NOL4L: variants seen among roughly 807,000 people sequenced by gnomAD.
NOL4L encodes the protein nucleolar protein 4 like.
In NOL4L, 7 loss-of-function variants were observed where a neutral mutation model predicts 64.5. The observed-to-expected ratio is 0.11, with a 90% CI of 0.06 to 0.20. NOL4L has a LOEUF of 0.20. Among genes scored for constraint, NOL4L ranks in the 10% least tolerant of loss-of-function variants. The pLI is 1.00. For missense variants in NOL4L, 680 were observed against 967.1 expected, an observed-to-expected ratio of 0.70 and a Z score of 3.94; for synonymous variants, 413 against 401.0, an observed-to-expected ratio of 1.03 and a Z score of -0.36.
rs1484022352 is a variant in NOL4L at position 32,456,404 on chromosome 20, A to G, written c.842-9T>C. Reference sequence around the variant, plus strand: ...CTCAGAGGAGGAGTCATCTGGAATGAGAGGCCTGGGTGTGAGGCCCCACCC... The same window carrying G: ...CTCAGAGGAGGAGTCATCTGGAATGGGAGGCCTGGGTGTGAGGCCCCACCC... On this transcript the variant is annotated splice_polypyrimidine_tract_variant and intron_variant, in intron 5 of 10. Coordinates refer to ENST00000621426, the MANE Select transcript of NOL4L (RefSeq NM_001256798.2). The G allele has an allele frequency of 6.9e-7, 1 of 1,457,568 alleles. No homozygotes were observed. 90.3% of individuals were successfully genotyped at this position (1,457,568 alleles called of 1,614,324 possible).
At chr20:32,489,670 C>T (rs576301352) in intron 4 of NOL4L, among the ~76,000 whole-genome samples, 21 of 151,906 alleles carry the variant, frequency 1.4e-4, no homozygotes, top group East Asian at 1.9e-4. Context: ...CTGGGCCGGG[C>T]GCAGTGGCTC....
intron 2 of NOL4L, 27 bp from the exon 3 acceptor site, chr20:32,520,949 T>C: frequency 6.7e-7 from 1 of 1,498,682 alleles, no homozygotes; most frequent in South Asian, 1.2e-5. Flanking sequence ...CTTCGCTTGT[T>C]ATATGGATCT....
intron 1 of NOL4L, among the ~76,000 whole-genome samples, chr20:32,546,453 A>T (rs1285933774): frequency 2.7e-5 from 4 of 150,902 alleles, no homozygotes; most frequent in Non-Finnish European, 4.4e-5. Flanking sequence ...TTATTTATTT[A>T]TTTTTTGAGA....
intron 4 of NOL4L, among the ~76,000 whole-genome samples, chr20:32,484,571 G>A (rs2015966886): frequency 6.6e-6 from 1 of 150,722 alleles, no homozygotes; most frequent in Admixed American, 6.6e-5. Context: ...CCCAGCGCCC[G>A]CCGCCCGCGT....
intron 3 of NOL4L, among the ~76,000 whole-genome samples, chr20:32,516,340 G>A (rs1020946682): frequency 4.6e-5 from 7 of 152,176 alleles, no homozygotes; most frequent in East Asian, 1.9e-4. Flanking sequence ...GCAAGTCTTC[G>A]AGGAGTGCTG....
At chr20:32,564,022 C>T (rs768937976) in intron 1 of NOL4L, among the ~76,000 whole-genome samples, 8 of 152,212 alleles carry the variant, frequency 5.3e-5, no homozygotes, top group South Asian at 4.1e-4. Context: ...CTAATTTGCA[C>T]GAGAGGAGAC....
chr20:32,498,752 A>G (rs2016795392), intron 4 of NOL4L, among the ~76,000 whole-genome samples: 1 of 136,166 alleles, frequency 7.3e-6, no homozygotes, highest in African/African-American at 2.9e-5. Flanking sequence ...AACGGGAGTG[A>G]GACCCTGTCT....
At chr20:32,504,339 T>G (rs180945502) in intron 4 of NOL4L, among the ~76,000 whole-genome samples, 2 of 152,062 alleles carry the variant, frequency 1.3e-5, no homozygotes, top group Non-Finnish European at 2.9e-5. Flanking sequence ...GGTGGGTAGA[T>G]CACGAGGTCA....
At chr20:32,554,639 CCCCAGGAAATCCTCCTTTTCTCCTTGCCT>C (rs1978538361) in intron 1 of NOL4L, among the ~76,000 whole-genome samples, 1 of 152,118 alleles carries the variant, frequency 6.6e-6, no homozygotes, top group African/African-American at 2.4e-5. Flanking sequence ...CTGGGAAACC[CCCCAGGAAATCCTCCTTTTCTCCTTGCCT>C]CCCAGGAGGC....
chr20:32,448,192 G>C (rs941958424), intron 10 of NOL4L, among the ~76,000 whole-genome samples: 1 of 152,194 alleles, frequency 6.6e-6, no homozygotes, highest in Non-Finnish European at 1.5e-5. Context: ...CTCTGCCAGT[G>C]TGCCTAAAGG....
Position 32,537,042 on chromosome 20 carries a change from G to T in NOL4L, c.322-9129C>A, listed in dbSNP as rs890164053. The T allele has an allele frequency of 3.1e-6, 3 of 979,654 alleles. No individual in the cohort carries two copies. In the African/African-American group the frequency reaches 5.4e-5, roughly 18 times the overall value. 60.7% of individuals were successfully genotyped at this position (979,654 alleles called of 1,614,324 possible). On this transcript the variant is annotated intron_variant, in intron 1 of 10. Transcript: ENST00000621426. ...CTTCCGGCCCCGCCAACCGGCTCCCGGCGCACCTGCCCTGCCCCGCCCCCC... is the reference window on the plus strand; with the variant it reads ...CTTCCGGCCCCGCCAACCGGCTCCCTGCGCACCTGCCCTGCCCCGCCCCCC...
At position 32,452,918 on chromosome 20, in the gene NOL4L, T is replaced by C. The variant is rs1337985908; in HGVS notation, c.1586A>G (p.Lys529Arg). ...CTGGTAGATCTCTAGACGCATCCGC[T>C]TGGCTGCCTTTCTTGTCTCGCTCTC... ...ACESETRKAA[K>R]RMRLEIYQSS... The change falls in exon 9 of 11, where the codon AAG becomes AGG. Residue 529 changes from lysine (K) to arginine (R), a missense_variant. Physicochemically the swap from Lys to Arg is conservative, Grantham distance 26. Coordinates refer to ENST00000621426, the MANE Select transcript of NOL4L (RefSeq NM_001256798.2). 2 of 1,614,110 alleles carry C rather than the reference T, an allele frequency of 1.2e-6. No homozygotes were observed. Among genetic ancestry groups the C allele is most frequent in the Non-Finnish European group, 8.5e-7 (1 of 1,180,022 alleles).
chr20:32,468,397 C>T (rs550496016), intron 5 of NOL4L, among the ~76,000 whole-genome samples: 3 of 152,142 alleles, frequency 2.0e-5, no homozygotes, highest in Non-Finnish European at 4.4e-5. Flanking sequence ...CCCTTCCCAG[C>T]CCCCTGCTGC....
At chr20:32,498,373 A>G (rs1016328596) in intron 4 of NOL4L, among the ~76,000 whole-genome samples, 1 of 152,044 alleles carries the variant, frequency 6.6e-6, no homozygotes, top group African/African-American at 2.4e-5. Flanking sequence ...ATGTCCCATA[A>G]CAAAAGATGT....
At chr20:32,556,738 C>G (rs991797949) in intron 1 of NOL4L, among the ~76,000 whole-genome samples, 27 of 152,178 alleles carry the variant, frequency 1.8e-4, no homozygotes, top group Non-Finnish European at 3.8e-4. Flanking sequence ...CTGGGCAGGT[C>G]GGGTCTGAGC....
chr20:32,480,561 G>GCCC (rs996835491), intron 4 of NOL4L, among the ~76,000 whole-genome samples: 2 of 152,040 alleles, frequency 1.3e-5, no homozygotes, highest in Non-Finnish European at 2.9e-5. Context: ...ACACCTGTAG[G>GCCC]CCCCTTCCAG....
chr20:32,502,753 A>T (rs1175411140), intron 4 of NOL4L, among the ~76,000 whole-genome samples: 2 of 151,320 alleles, frequency 1.3e-5, no homozygotes, highest in Non-Finnish European at 2.9e-5. Context: ...TCTACTAAAA[A>T]TACAAAAATT....
chr20:32,487,186 T>C (rs2016125073), intron 4 of NOL4L, among the ~76,000 whole-genome samples: 1 of 152,040 alleles, frequency 6.6e-6, no homozygotes. Flanking sequence ...GAGAATTGCT[T>C]GAACCCAGGA....
At chr20:32,528,939 A>C (rs1316735681) in intron 1 of NOL4L, among the ~76,000 whole-genome samples, 1 of 152,226 alleles carries the variant, frequency 6.6e-6, no homozygotes, top group Non-Finnish European at 1.5e-5. Flanking sequence ...CAAAAGACAC[A>C]TCTCCAAGAG....
Sources: gnomAD v4.1 joint callset for allele counts (sites outside exome capture counted in the v4.1 genomes callset) on GRCh38, gnomAD v4.1.1 for gene constraint, MANE v1.5 for transcripts, NCBI Gene and HGNC (gene_info 2026-07-23, HGNC 2026-07-21) for gene names.